Variants in DGKB observed in about 807,000 individuals in gnomAD.
The protein encoded by DGKB is diacylglycerol kinase beta, also known as 90 kDa diacylglycerol kinase.
Under a neutral mutation model 114.3 loss-of-function variants are expected in DGKB, and 67 were observed. The observed-to-expected ratio is 0.59, with a 90% CI of 0.48 to 0.72. The LOEUF is 0.72. Ranked by LOEUF, DGKB falls within the 30% of genes least tolerant of loss-of-function variation. The probability of loss-of-function intolerance (pLI) is 0.00; values close to 1 mark genes in which losing one functional copy is unlikely to be tolerated. For missense variants in DGKB, 907 were observed against 975.2 expected (o/e 0.93, Z 0.93); for synonymous variants, 398 against 323.1 (o/e 1.23, Z -2.49).
rs553429790 is a variant in DGKB at position 14,374,696 on chromosome 7, T to C, written c.1836-29305A>G. 1.2e-4 allele frequency among the ~76,000 whole-genome samples: 18 copies of C among 152,340 alleles called. No homozygotes were observed. In the East Asian group the frequency reaches 3.3e-3, roughly 28 times the overall value. ...TCTCCTGTTTCTCTTATGAAAGAAC[T>C]CTCTTGCCGTACAGCAGGGTTTCTC... On this transcript the variant is annotated intron_variant, in intron 21 of 25. Transcript: ENST00000402815.
intron 23 of DGKB, among the ~76,000 whole-genome samples, chr7:14,188,114 T>A (rs989117789): frequency 6.6e-6 from 1 of 152,042 alleles, no homozygotes; most frequent in African/African-American, 2.4e-5. Context: ...AGAAAGAATT[T>A]ATGAACTTGA....
chr7:14,498,049 T>A (rs956182146), intron 20 of DGKB, among the ~76,000 whole-genome samples: 6 of 152,062 alleles, frequency 3.9e-5, no homozygotes, highest in African/African-American at 1.4e-4. Flanking sequence ...ACTGTTATAA[T>A]ACATGGGGAA....
At chr7:14,648,871 G>C (rs1272771887) in intron 13 of DGKB, among the ~76,000 whole-genome samples, 1 of 134,622 alleles carries the variant, frequency 7.4e-6, no homozygotes, top group Non-Finnish European at 1.6e-5. Flanking sequence ...GAGCTGATGC[G>C]ATCAACTGGA....
chr7:14,651,169 C>G lies in DGKB; in HGVS notation c.1135-20901G>C, dbSNP rs995568121. Among the ~76,000 whole-genome samples the G allele has an allele frequency of 6.6e-4, 101 of 152,126 alleles. 1 individual carries two copies. Among genetic ancestry groups the G allele is most frequent in the African/African-American group, 2.2e-3 (92 of 41,492 alleles). ...TGATGAGGCCAGCATCATTCTGATACCAAAGCCAGGCAGAGACACAACAAA... is the reference window on the plus strand; with the variant it reads ...TGATGAGGCCAGCATCATTCTGATAGCAAAGCCAGGCAGAGACACAACAAA... On this transcript the variant is annotated intron_variant, in intron 13 of 25. Coordinates refer to ENST00000402815, the MANE Select transcript of DGKB (RefSeq NM_001350709.2).
chr7:14,722,223 A>C (rs534568401), intron 5 of DGKB, among the ~76,000 whole-genome samples: 1 of 152,246 alleles, frequency 6.6e-6, no homozygotes, highest in Non-Finnish European at 1.5e-5. Flanking sequence ...CTTTCAGAGA[A>C]GTTTCACTGC....
chr7:14,872,764 C>T (rs1192239751), intron 1 of DGKB, among the ~76,000 whole-genome samples: 1 of 151,028 alleles, frequency 6.6e-6, no homozygotes, highest in Admixed American at 6.6e-5. Context: ...GACCTGCTTC[C>T]TAAAATTCTA....
chr7:14,410,270 C>T (rs1242976092), intron 21 of DGKB, among the ~76,000 whole-genome samples: 6 of 151,004 alleles, frequency 4.0e-5, no homozygotes, highest in Non-Finnish European at 7.4e-5. Context: ...TATAATCTTC[C>T]TTCAGATAAG....
At chr7:14,345,166 A>G (rs1204502148) in intron 22 of DGKB, 135 bp downstream of exon 22, 43 of 568,826 alleles carry the variant, frequency 7.6e-5, no homozygotes, top group Non-Finnish European at 9.3e-6. Flanking sequence ...GAAAGGAATG[A>G]CAATTTAAAA....
intron 18 of DGKB, among the ~76,000 whole-genome samples, chr7:14,581,830 A>T (rs1247696206): frequency 6.6e-6 from 1 of 152,150 alleles, no homozygotes; most frequent in East Asian, 1.9e-4. Context: ...AATCCTTACA[A>T]GTCCTCAGAT....
At position 14,778,122 on chromosome 7, in the gene DGKB, G is replaced by C. The variant is rs1012842830; in HGVS notation, c.71-20391C>G. The stretch of plus-strand genomic sequence containing the variant: ...TAGTAGAGTGATTACTGAACACCCT[G>C]TTCTTAAAGATAAAAGACTGACGAA... On this transcript the variant is annotated intron_variant, in intron 2 of 25. Transcript: ENST00000402815. Among the ~76,000 whole-genome samples the C allele has an allele frequency of 2.0e-5, 3 of 152,198 alleles. No individual in the cohort carries two copies. The East Asian group carries it at 5.8e-4, about 29-fold the overall frequency.
At chr7:14,932,870 C>T (rs1171509484) in intron 1 of DGKB, among the ~76,000 whole-genome samples, 2 of 152,140 alleles carry the variant, frequency 1.3e-5, no homozygotes, top group Admixed American at 6.5e-5. Context: ...AAAAAAGAGG[C>T]AGTGAGTGAT....
At position 14,846,436 on chromosome 7, in the gene DGKB, T is replaced by C. The variant is rs147162322; in HGVS notation, c.-187-4986A>G. Among the ~76,000 whole-genome samples the C allele has an allele frequency of 5.7e-3, 864 of 152,286 alleles. 13 individuals carry two copies. The highest frequency in any genetic ancestry group is 0.02 in the African/African-American group (821 of 41,548). Reference sequence around the variant, plus strand: ...AGCTGAACTGGCATACACAAGCCTATGAAAAAAGAAATGTTTCACGTGTAA... The same window carrying C: ...AGCTGAACTGGCATACACAAGCCTACGAAAAAAGAAATGTTTCACGTGTAA... On this transcript the variant is annotated intron_variant, in intron 1 of 25. Transcript: ENST00000402815.
At chr7:14,285,893 C>T (rs758946209) in intron 23 of DGKB, among the ~76,000 whole-genome samples, 11 of 152,098 alleles carry the variant, frequency 7.2e-5, no homozygotes, top group Non-Finnish European at 1.2e-4. Flanking sequence ...ATCACATCTT[C>T]TTTGTGCTTA....
intron 23 of DGKB, among the ~76,000 whole-genome samples, chr7:14,228,437 T>C (rs377112726): frequency 4.6e-5 from 7 of 152,004 alleles, no homozygotes; most frequent in African/African-American, 1.7e-4. Flanking sequence ...TTCAACTCAT[T>C]ATTGTTTTGT....
intron 4 of DGKB, among the ~76,000 whole-genome samples, chr7:14,752,707 A>T (rs1360874841): frequency 6.6e-6 from 1 of 152,172 alleles, no homozygotes; most frequent in Non-Finnish European, 1.5e-5. Context: ...TGACTCTCCA[A>T]AAAGCTAGAG....
chr7:14,327,730 G>A (rs554850037), intron 23 of DGKB, among the ~76,000 whole-genome samples: 19 of 152,118 alleles, frequency 1.2e-4, no homozygotes, highest in African/African-American at 1.9e-4. Context: ...TACTGCACTC[G>A]TGGTGAGCTG....
At chr7:14,597,223 T>A (rs1802735006) in intron 17 of DGKB, among the ~76,000 whole-genome samples, 1 of 152,034 alleles carries the variant, frequency 6.6e-6, no homozygotes, top group African/African-American at 2.4e-5. Flanking sequence ...AAACCATGAA[T>A]AATTTAATTA....
chr7:14,970,424 A>G (rs185056026), intron 1 of DGKB, among the ~76,000 whole-genome samples: 64 of 152,266 alleles, frequency 4.2e-4, no homozygotes, highest in African/African-American at 1.5e-3. Flanking sequence ...AAACTGTAAA[A>G]CCTTGAGGCA....
At chr7:14,960,268 A>C (rs1246365962) in intron 1 of DGKB, among the ~76,000 whole-genome samples, 1 of 152,130 alleles carries the variant, frequency 6.6e-6, no homozygotes, top group Non-Finnish European at 1.5e-5. Context: ...AACAGTACTT[A>C]AAGAATATAT....
Sources: gnomAD v4.1 joint callset for allele counts (sites outside exome capture counted in the v4.1 genomes callset) on GRCh38, gnomAD v4.1.1 for gene constraint, MANE v1.5 for transcripts, NCBI Gene and HGNC (gene_info 2026-07-23, HGNC 2026-07-21) for gene names.